Variants in ICE1 observed in about 807,000 individuals in gnomAD.
ICE1 encodes the protein little elongation complex subunit 1.
Under a neutral mutation model 192.7 loss-of-function variants are expected in ICE1, and 64 were observed. That is an observed-to-expected ratio of 0.33 (90% CI 0.27 to 0.41). ICE1 has a LOEUF of 0.41. Among genes scored for constraint, ICE1 ranks in the 10% least tolerant of loss-of-function variants. The probability of loss-of-function intolerance (pLI) is 1.00; values close to 1 mark genes in which losing one functional copy is unlikely to be tolerated. For synonymous variants in ICE1, 1,010 were observed against 984.5 expected (o/e 1.03, Z -0.49); for missense variants, 2,708 against 2,696.0 (o/e 1.00, Z -0.10).
At position 5,462,954 on chromosome 5, in the gene ICE1, A is replaced by G; in HGVS notation, c.3620A>G (p.Asn1207Ser). The change falls in exon 13 of 19, where the codon AAC becomes AGC. Residue 1207 changes from asparagine (N) to serine (S), a missense_variant. Asn to Ser is a conservative substitution (Grantham distance 46). This residue lies in a region of ICE1 where 2,366 missense variants were observed against 2,276.6 expected (regional missense o/e 1.04). Coordinates refer to ENST00000296564, the MANE Select transcript of ICE1 (RefSeq NM_015325.3). Reference protein sequence around the residue: ...SSKGTLSKEMNKELKASEIGE... With the variant: ...SSKGTLSKEMSKELKASEIGE... ...AAAGGAACCCTAAGTAAAGAAATGA[A>G]CAAAGAATTAAAGGCAAGTGAAATA... is the stretch of plus-strand genomic sequence containing the variant. 1 of 1,612,694 alleles carries G rather than the reference A, an allele frequency of 6.2e-7. No homozygotes were observed. Among genetic ancestry groups the G allele is most frequent in the Non-Finnish European group, 8.5e-7 (1 of 1,179,242 alleles).
At chr5:5,468,733 A>G (rs1739067460) in intron 14 of ICE1, 95 bp from the exon 15 acceptor site, 2 of 722,992 alleles carry the variant, frequency 2.8e-6, no homozygotes, top group African/African-American at 1.9e-5. Flanking sequence ...GATGCCTGCA[A>G]GGCACCAGTG....
chr5:5,464,516 C>A lies in ICE1; in HGVS notation c.5182C>A (p.Pro1728Thr). The change falls in exon 13 of 19, where the codon CCT becomes ACT. Residue 1728 changes from proline to threonine, a missense_variant. This residue lies in a region of ICE1 where 2,366 missense variants were observed against 2,276.6 expected (regional missense o/e 1.04). Transcript: ENST00000296564. The surrounding 1 kb of genome is among the most constrained non-coding windows in gnomAD (Gnocchi z 4.0). ...AATPKHALPV[P>T]GRLPPCASGH... Reference sequence around the variant, plus strand: ...CACGCCGAAGCACGCACTTCCTGTGCCTGGCCGACTCCCACCCTGTGCATC... The same window carrying A: ...CACGCCGAAGCACGCACTTCCTGTGACTGGCCGACTCCCACCCTGTGCATC... 1 of 1,613,948 alleles carries A rather than the reference C, an allele frequency of 6.2e-7. No individual in the cohort carries two copies. The highest frequency in any genetic ancestry group is 8.5e-7 in the Non-Finnish European group (1 of 1,179,880).
rs201436327 is a variant in ICE1 at position 5,461,328 on chromosome 5, C to T, written c.1994C>T (p.Ser665Phe). 1.2e-6 allele frequency: 2 copies of T among 1,613,888 alleles called. No homozygotes were observed. The highest frequency in any genetic ancestry group is 1.7e-5 in the Admixed American group (1 of 60,018). ...NDTDITTKVF[S>F]TEPHHSEHKL... Reference sequence around the variant, plus strand: ...ACAGATATTACTACTAAAGTATTCTCTACTGAACCGCATCATTCAGAACAT... The same window carrying T: ...ACAGATATTACTACTAAAGTATTCTTTACTGAACCGCATCATTCAGAACAT... The change falls in exon 13 of 19, where the codon TCT (serine) becomes TTT (phenylalanine). Residue 665 changes from serine (S) to phenylalanine (F), a missense_variant. Ser to Phe is a radical substitution (Grantham distance 155). Transcript: ENST00000296564.
chr5:5,454,789 G>A (rs761866421), intron 11 of ICE1, among the ~76,000 whole-genome samples, 151 bp downstream of exon 11: 12 of 151,982 alleles, frequency 7.9e-5, no homozygotes, highest in Non-Finnish European at 1.2e-4. Context: ...TACAAAACTC[G>A]TTTCCCTTCA....
rs1737346976 is a variant in ICE1 at position 5,422,834 on chromosome 5, C to T, written c.-82C>T. On this transcript the variant is annotated 5_prime_UTR_variant, in exon 1 of 19. Coordinates refer to ENST00000296564, the MANE Select transcript of ICE1 (RefSeq NM_015325.3). ...GAAGCGGCCTGGCAGGCGGCGGCCC[C>T]GGCGGCATCAGCAGAGACAGGACGG... The T allele has an allele frequency of 1.9e-6, 2 of 1,063,588 alleles. No individual in the cohort carries two copies. The highest frequency in any genetic ancestry group is 4.4e-5 in the Admixed American group (1 of 22,582). The allele number at this position is 1,063,588 out of a possible 1,614,324, so 65.9% of individuals were successfully genotyped here. A position where few individuals can be genotyped will look rare whatever the true frequency, so the allele number is the denominator to read the frequency against.
chr5:5,453,361 G>A (rs1738481656), intron 10 of ICE1, among the ~76,000 whole-genome samples: 1 of 152,132 alleles, frequency 6.6e-6, no homozygotes, highest in Admixed American at 6.5e-5. Flanking sequence ...CCCGTGAACT[G>A]TCCTCCACAG....
intron 12 of ICE1, among the ~76,000 whole-genome samples, chr5:5,459,162 C>T (rs906162446): frequency 3.3e-5 from 5 of 152,140 alleles, no homozygotes; most frequent in African/African-American, 9.7e-5. Context: ...CGTGAGCCAC[C>T]GCGCCTGGCC....
At chr5:5,425,280 A>G (rs1286732129) in intron 1 of ICE1, among the ~76,000 whole-genome samples, 2 of 152,158 alleles carry the variant, frequency 1.3e-5, no homozygotes, top group Admixed American at 6.5e-5. Context: ...TCAAAACATC[A>G]ATAAGAGTAA....
chr5:5,454,733 C>G (rs985597961), intron 11 of ICE1, 95 bp downstream of exon 11: 1 of 784,814 alleles, frequency 1.3e-6, no homozygotes. Context: ...GCTCCTGATT[C>G]TAACATTGAA....
intron 10 of ICE1, among the ~76,000 whole-genome samples, chr5:5,453,408 G>C (rs1738483828): frequency 6.6e-6 from 1 of 152,160 alleles, no homozygotes; most frequent in Admixed American, 6.5e-5. Flanking sequence ...ATTTTTTGAA[G>C]TGATGCAGTC....
chr5:5,483,718 T>G (rs561648429), intron 17 of ICE1, among the ~76,000 whole-genome samples: 1 of 152,304 alleles, frequency 6.6e-6, no homozygotes, highest in African/African-American at 2.4e-5. Flanking sequence ...CCCAAAGAGC[T>G]TATAAAATCC....
chr5:5,471,289 A>G (rs1397229547), intron 15 of ICE1, among the ~76,000 whole-genome samples: 1 of 152,176 alleles, frequency 6.6e-6, no homozygotes. Flanking sequence ...AAAATGATGA[A>G]TATTGGCTTT....
At chr5:5,469,353 G>A (rs904608569) in intron 15 of ICE1, among the ~76,000 whole-genome samples, 14 of 152,044 alleles carry the variant, frequency 9.2e-5, no homozygotes, top group African/African-American at 3.4e-4. Flanking sequence ...TTTCCTATTA[G>A]GATTTTTAAA....
intron 15 of ICE1, among the ~76,000 whole-genome samples, 188 bp from the exon 16 acceptor site, chr5:5,473,370 A>T (rs1187920483): frequency 6.6e-6 from 1 of 152,214 alleles, no homozygotes. Context: ...AATCTGGCTC[A>T]TCCAGCTACC....
rs1738939135 is a variant in ICE1 at position 5,464,961 on chromosome 5, C to T, written c.5627C>T (p.Pro1876Leu). ...GIHKNLPGNL[P>L]PAEVATTNEE... ...CACAAAAACCTCCCAGGGAACCTCC[C>T]TCCAGCTGAAGTTGCAACAACAAAT... The change falls in exon 13 of 19, where the codon CCT becomes CTT. Residue 1876 changes from proline (P) to leucine (L), a missense_variant. Coordinates refer to ENST00000296564, the MANE Select transcript of ICE1 (RefSeq NM_015325.3). This position sits in a 1 kb window ranked among gnomAD's most constrained non-coding sequence, Gnocchi z 4.0. 1 of 1,613,546 alleles carries T rather than the reference C, an allele frequency of 6.2e-7. No homozygotes were observed.
At chr5:5,467,948 A>G (rs1357471634) in intron 14 of ICE1, among the ~76,000 whole-genome samples, 1 of 152,230 alleles carries the variant, frequency 6.6e-6, no homozygotes, top group Non-Finnish European at 1.5e-5. Context: ...TCATGACATC[A>G]TTACATAAAC....
intron 10 of ICE1, among the ~76,000 whole-genome samples, chr5:5,452,907 G>A (rs1738467536): frequency 6.6e-6 from 1 of 152,134 alleles, no homozygotes; most frequent in Non-Finnish European, 1.5e-5. Context: ...AGGGAAAGTT[G>A]TGCAATTCAC....
At chr5:5,428,937 T>C (rs940009907) in intron 1 of ICE1, among the ~76,000 whole-genome samples, 6 of 152,202 alleles carry the variant, frequency 3.9e-5, no homozygotes, top group African/African-American at 1.2e-4. Context: ...CCTAAGACCA[T>C]GCTCATGTTC....
intron 15 of ICE1, among the ~76,000 whole-genome samples, chr5:5,469,451 T>C (rs1030315366): frequency 6.6e-6 from 1 of 152,214 alleles, no homozygotes; most frequent in Admixed American, 6.5e-5. Flanking sequence ...TATTATTATT[T>C]TCAGTTATTG....
Sources: allele counts gnomAD v4.1 joint callset (sites outside exome capture counted in the v4.1 genomes callset), GRCh38; gene constraint gnomAD v4.1.1; regional missense constraint gnomAD v4.1.1; non-coding constraint Gnocchi (gnomAD v3.1); transcripts MANE v1.5; gene names NCBI Gene and HGNC (gene_info 2026-07-23, HGNC 2026-07-21).